SH3D19: variants seen among roughly 807,000 people sequenced by gnomAD.
SH3D19 encodes SH3 domain-containing protein 19.
A neutral mutation model predicts 112.1 loss-of-function variants in SH3D19; 58 were observed. The observed-to-expected ratio is 0.52, with a 90% confidence interval of 0.42 to 0.64. The LOEUF (loss-of-function observed/expected upper bound fraction) is 0.64. SH3D19 is among the 30% of genes least tolerant of loss of function. The pLI, the probability that SH3D19 is intolerant of heterozygous loss-of-function variation, is 0.00. For missense variants in SH3D19, 1,090 were observed against 1,263.4 expected (o/e 0.86, Z 2.08); for synonymous variants, 391 against 448.5 (o/e 0.87, Z 1.62).
intron 2 of SH3D19, among the ~76,000 whole-genome samples, chr4:151,223,849 G>T (rs886142338): frequency 1.5e-4 from 23 of 152,142 alleles, no homozygotes; most frequent in African/African-American, 5.6e-4. Flanking sequence ...TTAATATACA[G>T]ATTTTGAGGA....
rs1467002035 is a variant in SH3D19, at chr4:151,197,128, A to G, written c.153-9665T>C. ...TAAAAGTAGAACCACCATTTGATCCAGCAATCCCACTCCTGGGTATCTACC... is the reference window on the plus strand; with the variant it reads ...TAAAAGTAGAACCACCATTTGATCCGGCAATCCCACTCCTGGGTATCTACC... On this transcript the variant is annotated intron_variant, in intron 2 of 19. Coordinates refer to ENST00000604030, the MANE Select transcript of SH3D19 (RefSeq NM_001378122.1). Among the ~76,000 whole-genome samples the G allele has an allele frequency of 5.9e-5, 9 of 152,168 alleles. No individual in the cohort carries two copies. The East Asian group carries it at 1.7e-3, about 29-fold the overall frequency.
rs537940259 is a variant in SH3D19, at chr4:151,229,047, T to G, written c.113-2961A>C. ...CCTAGCTAATTAAATTTTTTTTTTT[T>G]TTTTTGTAGAGACAGGGTCTCCCTA... On this transcript the variant is annotated intron_variant, in intron 1 of 19. Transcript: ENST00000604030. Among the ~76,000 whole-genome samples, 17 of 151,042 alleles carry G rather than the reference T, an allele frequency of 1.1e-4. 1 individual carries two copies. The South Asian group carries it at 3.6e-3, about 32-fold the overall frequency.
At chr4:151,246,666 A>T (rs1770969679) in intron 1 of SH3D19, among the ~76,000 whole-genome samples, 1 of 152,194 alleles carries the variant, frequency 6.6e-6, no homozygotes, top group African/African-American at 2.4e-5. Flanking sequence ...ATCATATTCG[A>T]CATTGTCAGG....
intron 1 of SH3D19, among the ~76,000 whole-genome samples, chr4:151,255,329 T>C (rs190501514): frequency 0.095 from 13,220 of 138,554 alleles, 710 homozygotes; most frequent in East Asian, 0.22. Flanking sequence ...CGGGCAGAGA[T>C]GCTCCTCACC....
intron 17 of SH3D19, among the ~76,000 whole-genome samples, chr4:151,131,731 G>A (rs1475223053): frequency 2.0e-5 from 3 of 151,770 alleles, no homozygotes; most frequent in Admixed American, 6.6e-5. Context: ...CTCATGATCC[G>A]CCCGCCTCGG....
At chr4:151,153,250 C>CT (rs1027199525) in intron 9 of SH3D19, among the ~76,000 whole-genome samples, 4 of 151,916 alleles carry the variant, frequency 2.6e-5, no homozygotes, top group Admixed American at 6.6e-5. Context: ...AGCACTACTT[C>CT]TTTTTTTATT....
chr4:151,249,284 G>A (rs1771181604), intron 1 of SH3D19, among the ~76,000 whole-genome samples: 1 of 152,000 alleles, frequency 6.6e-6, no homozygotes, highest in Non-Finnish European at 1.5e-5. Flanking sequence ...TTTATAATTG[G>A]CTCTTCTAGT....
At chr4:151,206,706 A>C (rs556447913) in intron 2 of SH3D19, among the ~76,000 whole-genome samples, 1 of 152,284 alleles carries the variant, frequency 6.6e-6, no homozygotes, top group South Asian at 2.1e-4. Flanking sequence ...AACCCCTTTA[A>C]ACTTGAATTA....
intron 7 of SH3D19, 111 bp downstream of exon 7, chr4:151,174,559 T>G: frequency 1.1e-6 from 1 of 944,432 alleles, no homozygotes; most frequent in East Asian, 2.6e-5. Context: ...GTGCACATAC[T>G]TGTATACACA....
At chr4:151,175,784 T>A (rs777089024) in intron 6 of SH3D19, 110 bp from the exon 7 acceptor site, 2 of 1,057,584 alleles carry the variant, frequency 1.9e-6, no homozygotes, top group Non-Finnish European at 2.4e-6. Context: ...ACATGGAATA[T>A]CAAGAGATTT....
chr4:151,325,097 C>A (rs113114757), intron 1 of SH3D19, 144 bp downstream of exon 1: 63 of 402,118 alleles, frequency 1.6e-4, no homozygotes, highest in African/African-American at 1.1e-3. Context: ...GAAATGCCAC[C>A]CTCCCCGAGT....
intron 1 of SH3D19, among the ~76,000 whole-genome samples, chr4:151,313,173 C>G (rs1376894885): frequency 6.6e-6 from 1 of 151,552 alleles, no homozygotes; most frequent in African/African-American, 2.4e-5. Flanking sequence ...TCCAGGTGAT[C>G]TGTAGGCAGA....
In SH3D19 at chr4:151,269,440, A is replaced by T. The variant is rs1410026659; in HGVS notation, c.113-43354T>A. The stretch of plus-strand genomic sequence containing the variant: ...TTCTTTTGCTGTGCAGAAGCTCTTG[A>T]GTTTAGTTAGATCCCATTTGTCAAT... On this transcript the variant is annotated intron_variant, in intron 1 of 19. Transcript: ENST00000604030. Among the ~76,000 whole-genome samples the T allele has an allele frequency of 2.0e-5, 3 of 152,112 alleles. No homozygotes were observed. In the East Asian group the frequency reaches 5.8e-4, roughly 29 times the overall value.
At chr4:151,295,303 G>C (rs1237956613) in intron 1 of SH3D19, among the ~76,000 whole-genome samples, 1 of 152,344 alleles carries the variant, frequency 6.6e-6, no homozygotes, top group African/African-American at 2.4e-5. Context: ...GATGGTAGCA[G>C]AGTCAGAACA....
At chr4:151,191,371 A>G (rs1157918602) in intron 2 of SH3D19, among the ~76,000 whole-genome samples, 1 of 152,122 alleles carries the variant, frequency 6.6e-6, no homozygotes, top group Non-Finnish European at 1.5e-5. Context: ...GACATTTGGG[A>G]GGGGCCAGGG....
intron 2 of SH3D19, among the ~76,000 whole-genome samples, chr4:151,211,594 G>T (rs985043691): frequency 6.6e-6 from 1 of 150,536 alleles, no homozygotes. Flanking sequence ...AAAAAAAAAG[G>T]TTCTTGAAGG....
intron 1 of SH3D19, chr4:151,261,159 C>A (rs1772350916): frequency 6.6e-6 from 1 of 152,082 alleles, no homozygotes; most frequent in African/African-American, 2.4e-5. Flanking sequence ...GGAATGAAAG[C>A]CTCAGAAGAA....
intron 1 of SH3D19, chr4:151,291,586 T>A: frequency 1.6e-6 from 1 of 627,838 alleles, no homozygotes; most frequent in Non-Finnish European, 2.8e-6. Context: ...GTCACTTCTG[T>A]ACATTCTTTG....
intron 1 of SH3D19, among the ~76,000 whole-genome samples, chr4:151,230,590 A>T (rs1220157462): frequency 6.6e-6 from 1 of 151,480 alleles, no homozygotes; most frequent in Non-Finnish European, 1.5e-5. Context: ...AGTGGTTTAA[A>T]GTGAGTCTTT....
Sources: allele counts gnomAD v4.1 joint callset (sites outside exome capture counted in the v4.1 genomes callset), GRCh38; gene constraint gnomAD v4.1.1; transcripts MANE v1.5; gene names NCBI Gene and HGNC (gene_info 2026-07-23, HGNC 2026-07-21).